The following CNKSR3 variants were observed in gnomAD, a reference collection of about 807,000 sequenced individuals.
The protein encoded by CNKSR3 is CNKSR family member 3.
CNKSR3 carries 36 observed loss-of-function variants against 67.7 expected under a neutral mutation model. The ratio of observed to expected loss-of-function variants is 0.53; its 90% CI spans 0.41 to 0.70. CNKSR3 has a LOEUF of 0.70. Ranked by LOEUF, CNKSR3 falls within the 30% of genes least tolerant of loss-of-function variation. CNKSR3 has a pLI of 0.00. For synonymous variants in CNKSR3, 281 were observed against 271.4 expected, an observed-to-expected ratio of 1.04 and a Z score of -0.35; for missense variants, 630 against 695.2, an observed-to-expected ratio of 0.91 and a Z score of 1.05.
At chr6:154,483,561 A>G (rs571405405) in intron 1 of CNKSR3, among the ~76,000 whole-genome samples, 1 of 152,226 alleles carries the variant, frequency 6.6e-6, no homozygotes, top group Non-Finnish European at 1.5e-5. Flanking sequence ...TTAAAAAAAA[A>G]ACGAAACAAA....
intron 7 of CNKSR3, among the ~76,000 whole-genome samples, chr6:154,424,923 C>G (rs1292353190): frequency 6.6e-6 from 1 of 152,164 alleles, no homozygotes; most frequent in Non-Finnish European, 1.5e-5. Flanking sequence ...AGGCACCCAC[C>G]ACCACGCCCA....
rs1446041302 is a variant in CNKSR3 at position 154,387,719 on chromosome 6, T to A, written c.*18635A>T. ...AATGAAACATAAGAAACTGTCAAGC[T>A]TTGGAAATTAGAAACAAACATATTC... On this transcript the variant is annotated 3_prime_UTR_variant, in exon 13 of 13. Coordinates refer to ENST00000607772, the MANE Select transcript of CNKSR3 (RefSeq NM_173515.4). 1 of 152,208 alleles carries A rather than the reference T, an allele frequency of 6.6e-6. No homozygotes were observed. Among genetic ancestry groups the A allele is most frequent in the African/African-American group, 2.4e-5 (1 of 41,456 alleles). 9.4% of individuals were successfully genotyped at this position (152,208 alleles called of 1,614,324 possible). A position where few individuals can be genotyped will look rare whatever the true frequency, so the allele number is the denominator to read the frequency against.
At chr6:154,451,849 T>C (rs1261202406) in intron 1 of CNKSR3, among the ~76,000 whole-genome samples, 2 of 152,224 alleles carry the variant, frequency 1.3e-5, no homozygotes, top group East Asian at 3.8e-4. Context: ...AAATGACATC[T>C]GTCTAGCCCA....
chr6:154,441,427 GGGGATCCC>G lies in CNKSR3; in HGVS notation c.420-56_420-49del, dbSNP rs767126676. 1.4e-5 allele frequency: 19 copies of G among 1,367,072 alleles called. No homozygotes were observed. The Admixed American group carries it at 3.0e-4, about 22-fold the overall frequency. 84.7% of individuals were successfully genotyped at this position (1,367,072 alleles called of 1,614,324 possible). ...TTAAAAAGGGGTAGGGAGAATCCACGGGGATCCCACTGGATGTTGGTAAGCATAGCTAC... is the reference window on the plus strand; with the variant it reads ...TTAAAAAGGGGTAGGGAGAATCCACGACTGGATGTTGGTAAGCATAGCTAC... On this transcript the variant is annotated intron_variant, in intron 3 of 12. Coordinates refer to ENST00000607772, the MANE Select transcript of CNKSR3 (RefSeq NM_173515.4).
chr6:154,455,019 G>C (rs1194100512), intron 1 of CNKSR3, among the ~76,000 whole-genome samples: 1 of 151,862 alleles, frequency 6.6e-6, no homozygotes, highest in Non-Finnish European at 1.5e-5. Flanking sequence ...CACAAAAGCA[G>C]TGACTTTGGA....
chr6:154,409,467 A>G (rs1784864111), intron 12 of CNKSR3, among the ~76,000 whole-genome samples: 1 of 150,272 alleles, frequency 6.7e-6, no homozygotes, highest in South Asian at 2.1e-4. Context: ...GCCTTCTAAC[A>G]TAAGAAGGAC....
intron 2 of CNKSR3, among the ~76,000 whole-genome samples, chr6:154,443,738 A>C (rs1582865566): frequency 6.6e-6 from 1 of 152,102 alleles, no homozygotes; most frequent in African/African-American, 2.4e-5. Flanking sequence ...TCCTGTTTGT[A>C]CTCCAAGCTA....
intron 1 of CNKSR3, among the ~76,000 whole-genome samples, chr6:154,466,538 A>T (rs1338731281): frequency 2.6e-5 from 4 of 151,840 alleles, no homozygotes; most frequent in Admixed American, 6.6e-5. Context: ...TAAAGAAAAC[A>T]TGTTGGGGAT....
At position 154,454,886 on chromosome 6, in the gene CNKSR3, C is replaced by T. The variant is rs565655292; in HGVS notation, c.53-4628G>A. Among the ~76,000 whole-genome samples, 4 of 152,096 alleles carry T rather than the reference C, an allele frequency of 2.6e-5. No homozygotes were observed. The East Asian group carries it at 7.7e-4, about 29-fold the overall frequency. ...AAAAGTTGCTAAAGAGACACAGAAA[C>T]TCCCAAATGCTTAGATGGCTATGTT... On this transcript the variant is annotated intron_variant, in intron 1 of 12. Coordinates refer to ENST00000607772, the MANE Select transcript of CNKSR3 (RefSeq NM_173515.4).
intron 1 of CNKSR3, among the ~76,000 whole-genome samples, chr6:154,507,817 G>C (rs1787133425): frequency 1.3e-5 from 2 of 152,178 alleles, no homozygotes; most frequent in Non-Finnish European, 1.5e-5. Flanking sequence ...CTAGATGAAA[G>C]TAACTCAACT....
At chr6:154,464,347 A>G (rs905084279) in intron 1 of CNKSR3, among the ~76,000 whole-genome samples, 1 of 152,132 alleles carries the variant, frequency 6.6e-6, no homozygotes, top group Admixed American at 6.5e-5. Context: ...CTCAAAAGGA[A>G]AAAAAATTCT....
rs1784593752 is a variant in CNKSR3, at chr6:154,390,657, A to C, written c.*15697T>G. On this transcript the variant is annotated 3_prime_UTR_variant, in exon 13 of 13. Transcript: ENST00000607772. Reference sequence around the variant, plus strand: ...GAAGTGATAGTCAGCAAGGCTGTGCATCATTTTGTGTATTAGTTTGTTGGG... The same window carrying C: ...GAAGTGATAGTCAGCAAGGCTGTGCCTCATTTTGTGTATTAGTTTGTTGGG... 6.6e-6 allele frequency: 1 copy of C among 152,250 alleles called. No individual in the cohort carries two copies. The highest frequency in any genetic ancestry group is 1.5e-5 in the Non-Finnish European group (1 of 68,078). The allele number at this position is 152,250 out of a possible 1,614,324, so 9.4% of individuals were successfully genotyped here.
At chr6:154,486,987 C>T (rs188751805) in intron 1 of CNKSR3, among the ~76,000 whole-genome samples, 54 of 152,002 alleles carry the variant, frequency 3.6e-4, no homozygotes, top group Admixed American at 2.0e-3. Context: ...TCTTTTTTTG[C>T]GGGGGCAGGT....
At chr6:154,440,212 A>C (rs1446735695) in intron 4 of CNKSR3, among the ~76,000 whole-genome samples, 1 of 152,240 alleles carries the variant, frequency 6.6e-6, no homozygotes, top group Non-Finnish European at 1.5e-5. Flanking sequence ...ACGTGCAGAG[A>C]CAAAGTTCAC....
At chr6:154,413,139 T>TACACACACACACACACACACATAC (rs1784942525) in intron 10 of CNKSR3, among the ~76,000 whole-genome samples, 1 of 144,994 alleles carries the variant, frequency 6.9e-6, no homozygotes, top group Non-Finnish European at 1.5e-5. Context: ...GAATTTATGG[T>TACACACACACACACACACACATAC]ACACACACAC....
At position 154,453,732 on chromosome 6, in the gene CNKSR3, G is replaced by A. The variant is rs115773263; in HGVS notation, c.53-3474C>T. 2.6e-5 allele frequency among the ~76,000 whole-genome samples: 4 copies of A among 152,082 alleles called. No individual in the cohort carries two copies. In the East Asian group the frequency reaches 5.8e-4, roughly 22 times the overall value. On this transcript the variant is annotated intron_variant, in intron 1 of 12. Transcript: ENST00000607772. Reference sequence around the variant, plus strand: ...ATAAACAGCTAAATTAAACTATTACGCAGTCCCACAAAGGAGGGAAAAGCC... The same window carrying A: ...ATAAACAGCTAAATTAAACTATTACACAGTCCCACAAAGGAGGGAAAAGCC...
intron 4 of CNKSR3, among the ~76,000 whole-genome samples, chr6:154,440,914 G>A (rs1785567207): frequency 6.6e-6 from 1 of 151,714 alleles, no homozygotes; most frequent in South Asian, 2.1e-4. Flanking sequence ...AAAATGAAAA[G>A]AAAATTAAGA....
At position 154,430,605 on chromosome 6, in the gene CNKSR3, A is replaced by G. The variant is rs761935015; in HGVS notation, c.550-14T>C. ...TAAAACCTTGACCTAGAATTGGAGAAGCAAATAGTCAGGAAAGTTCAATCA... is the reference window on the plus strand; with the variant it reads ...TAAAACCTTGACCTAGAATTGGAGAGGCAAATAGTCAGGAAAGTTCAATCA... On this transcript the variant is annotated splice_polypyrimidine_tract_variant and intron_variant, in intron 5 of 12. Coordinates refer to ENST00000607772, the MANE Select transcript of CNKSR3 (RefSeq NM_173515.4). 10 of 1,600,282 alleles carry G rather than the reference A, an allele frequency of 6.2e-6. No homozygotes were observed. The highest frequency in any genetic ancestry group is 8.5e-6 in the Non-Finnish European group (10 of 1,176,100).
rs1351540290 is a variant in CNKSR3 at position 154,393,758 on chromosome 6, T to C, written c.*12596A>G. On this transcript the variant is annotated 3_prime_UTR_variant, in exon 13 of 13. Transcript: ENST00000607772. ...AAGGTTACAAAAACAAATTTCAAAA[T>C]GATTCATAGATCAAATAATAAATCA... is the stretch of plus-strand genomic sequence containing the variant. 3 of 152,192 alleles carry C rather than the reference T, an allele frequency of 2.0e-5. No individual in the cohort carries two copies. Among genetic ancestry groups the C allele is most frequent in the African/African-American group, 7.2e-5 (3 of 41,458 alleles). 9.4% of individuals were successfully genotyped at this position (152,192 alleles called of 1,614,324 possible). A position where few individuals can be genotyped will look rare whatever the true frequency, so the allele number is the denominator to read the frequency against.
Sources: allele counts gnomAD v4.1 joint callset (sites outside exome capture counted in the v4.1 genomes callset), GRCh38; gene constraint gnomAD v4.1.1; transcripts MANE v1.5; gene names NCBI Gene and HGNC (gene_info 2026-07-23, HGNC 2026-07-21).